The following GPC5 variants were observed in gnomAD, a reference collection of about 807,000 sequenced individuals.
GPC5 encodes the protein glypican 5.
A neutral mutation model predicts 53.9 loss-of-function variants in GPC5; 47 were observed. The ratio of observed to expected loss-of-function variants is 0.87; its 90% CI spans 0.69 to 1.11. GPC5 has a LOEUF of 1.11. Ranked by LOEUF, GPC5 falls within the 50% of genes most tolerant of loss-of-function variation. The probability of loss-of-function intolerance (pLI) is 0.00; values close to 1 mark genes in which losing one functional copy is unlikely to be tolerated. For synonymous variants in GPC5, 286 were observed against 263.3 expected (o/e 1.09, Z -0.84); for missense variants, 748 against 713.1 (o/e 1.05, Z -0.56).
intron 6 of GPC5, among the ~76,000 whole-genome samples, chr13:92,070,647 A>G (rs1239502722): frequency 6.6e-6 from 1 of 152,228 alleles, no homozygotes; most frequent in Non-Finnish European, 1.5e-5. Flanking sequence ...TGTTGAATAC[A>G]TATAGAACAC....
chr13:92,744,827 G>A (rs1889201812), intron 7 of GPC5, among the ~76,000 whole-genome samples: 1 of 151,892 alleles, frequency 6.6e-6, no homozygotes, highest in South Asian at 2.1e-4. Flanking sequence ...AGTTTATATA[G>A]ATATATAGCT....
chr13:91,532,400 T>A (rs1329783213), intron 2 of GPC5, among the ~76,000 whole-genome samples: 1 of 152,218 alleles, frequency 6.6e-6, no homozygotes, highest in Non-Finnish European at 1.5e-5. Flanking sequence ...TGTACAATTA[T>A]GGCTTTTTGT....
chr13:92,764,688 T>A (rs1875323105), intron 7 of GPC5, among the ~76,000 whole-genome samples: 1 of 152,178 alleles, frequency 6.6e-6, no homozygotes, highest in Non-Finnish European at 1.5e-5. Context: ...TTCAGTGCAC[T>A]ATAAAACTAT....
intron 6 of GPC5, among the ~76,000 whole-genome samples, chr13:92,003,152 A>T (rs1157182481): frequency 6.6e-6 from 1 of 151,986 alleles, no homozygotes; most frequent in African/African-American, 2.4e-5. Flanking sequence ...CTCTACTAAA[A>T]ATACAAAAAT....
chr13:91,589,954 GT>G (rs1471659687), intron 2 of GPC5, among the ~76,000 whole-genome samples: 1 of 151,966 alleles, frequency 6.6e-6, no homozygotes, highest in Non-Finnish European at 1.5e-5. Flanking sequence ...TAACCTTGGA[GT>G]TTGATAATTC....
At chr13:92,209,779 C>T (rs2042362011) in intron 7 of GPC5, among the ~76,000 whole-genome samples, 1 of 151,948 alleles carries the variant, frequency 6.6e-6, no homozygotes, top group Non-Finnish European at 1.5e-5. Context: ...TCTAGAGGGA[C>T]AGAACTAATA....
chr13:91,693,879 C>A lies in GPC5; in HGVS notation c.1018C>A (p.Gln340Lys), dbSNP rs1441295452. Residue 340 changes from glutamine to lysine, a missense_variant and splice_region_variant, in exon 3 of 8, where the codon CAG becomes AAG. Physicochemically the swap from Gln to Lys is moderately conservative, Grantham distance 53. Coordinates refer to ENST00000377067, the MANE Select transcript of GPC5 (RefSeq NM_004466.6). ...CCTCAATGGACAAAAATTATTGGAA[C>A]AGGTAAGTAGGAGCTCCACATTTTC... ...AHLNGQKLLEQVNRICGRPVR... is the reference protein window; with the variant it reads ...AHLNGQKLLEKVNRICGRPVR... 4.4e-6 allele frequency: 7 copies of A among 1,586,068 alleles called. No individual in the cohort carries two copies. The highest frequency in any genetic ancestry group is 1.1e-5 in the South Asian group (1 of 89,554).
intron 7 of GPC5, among the ~76,000 whole-genome samples, chr13:92,560,976 AC>A (rs1234330386): frequency 1.3e-5 from 2 of 151,780 alleles, no homozygotes; most frequent in Admixed American, 6.6e-5. Flanking sequence ...GTACCAAAGT[AC>A]AATTCCAAAT....
chr13:91,416,902 C>A (rs1029843190), intron 1 of GPC5, among the ~76,000 whole-genome samples: 1 of 152,182 alleles, frequency 6.6e-6, no homozygotes, highest in Non-Finnish European at 1.5e-5. Flanking sequence ...AATAGTGCTG[C>A]AATCATTGAG....
rs543187965 is a variant in GPC5, at chr13:92,867,117, T to C, written c.*678T>C. 1 of 152,218 alleles carries C rather than the reference T, an allele frequency of 6.6e-6. No individual in the cohort carries two copies. The highest frequency in any genetic ancestry group is 1.5e-5 in the Non-Finnish European group (1 of 67,994). The allele number at this position is 152,218 out of a possible 1,614,324, so 9.4% of individuals were successfully genotyped here. ...TGTATTCCATTATATTCAAAATGCATCTTTGGTATTGTGCCTCTGCTCCCA... is the reference window on the plus strand; with the variant it reads ...TGTATTCCATTATATTCAAAATGCACCTTTGGTATTGTGCCTCTGCTCCCA... On this transcript the variant is annotated 3_prime_UTR_variant, in exon 8 of 8. Transcript: ENST00000377067.
At chr13:91,410,752 T>A (rs2138940323) in intron 1 of GPC5, among the ~76,000 whole-genome samples, 1 of 152,334 alleles carries the variant, frequency 6.6e-6, no homozygotes, top group East Asian at 1.9e-4. Flanking sequence ...GTTTTCATTA[T>A]TTAATATACT....
intron 7 of GPC5, among the ~76,000 whole-genome samples, chr13:92,824,003 C>T (rs976577904): frequency 6.6e-6 from 1 of 151,986 alleles, no homozygotes; most frequent in African/African-American, 2.4e-5. Flanking sequence ...TTAGTCATCC[C>T]ATCCTACCTA....
intron 7 of GPC5, among the ~76,000 whole-genome samples, chr13:92,707,393 C>T (rs918186333): frequency 1.3e-5 from 2 of 152,048 alleles, no homozygotes; most frequent in African/African-American, 4.8e-5. Flanking sequence ...TGCAGACTCA[C>T]CTTTTGAGCC....
intron 6 of GPC5, among the ~76,000 whole-genome samples, chr13:91,941,302 T>C (rs756044581): frequency 7.2e-5 from 11 of 152,160 alleles, no homozygotes; most frequent in Non-Finnish European, 1.2e-4. Context: ...GGCTTTGTTC[T>C]TTTTGCTTAG....
At chr13:92,297,553 A>C (rs1183268237) in intron 7 of GPC5, among the ~76,000 whole-genome samples, 1 of 152,062 alleles carries the variant, frequency 6.6e-6, no homozygotes, top group Admixed American at 6.5e-5. Context: ...GCACCAATCG[A>C]CACTCTGTAT....
In GPC5 at chr13:92,527,237, GAA is replaced by G. The variant is rs1433201093; in HGVS notation, c.1562-339043_1562-339042del. Among the ~76,000 whole-genome samples, 268 of 36,996 alleles carry G rather than the reference GAA, an allele frequency of 7.2e-3. 8 individuals are homozygous for G. Among genetic ancestry groups the G allele is most frequent in the African/African-American group, 0.028 (206 of 7,316 alleles). 24.3% of individuals were successfully genotyped at this position (36,996 alleles called of 152,430 possible). A position where few individuals can be genotyped will look rare whatever the true frequency, so the allele number is the denominator to read the frequency against. On this transcript the variant is annotated intron_variant, in intron 7 of 7. Coordinates refer to ENST00000377067, the MANE Select transcript of GPC5 (RefSeq NM_004466.6). ...AGAAAGAAAGAAAGAAAGAAAGAAA[GAA>G]AGAAAGAAAGAGAAAGAAAGAAAGA...
chr13:92,076,273 G>A (rs2041251713), intron 6 of GPC5, among the ~76,000 whole-genome samples: 1 of 151,934 alleles, frequency 6.6e-6, no homozygotes, highest in African/African-American at 2.4e-5. Flanking sequence ...GTAGAGACGG[G>A]GTTTCACCGT....
chr13:92,841,783 T>C lies in GPC5; in HGVS notation c.1562-24499T>C, dbSNP rs185053665. ...TTATATAATCTGTAAGTGCCTCCTT[T>C]CTCTACTTTTTCCTTATGATTTATT... On this transcript the variant is annotated intron_variant, in intron 7 of 7. Transcript: ENST00000377067. 2.0e-5 allele frequency among the ~76,000 whole-genome samples: 3 copies of C among 152,252 alleles called. No individual in the cohort carries two copies. The East Asian group carries it at 5.8e-4, about 29-fold the overall frequency.
intron 6 of GPC5, among the ~76,000 whole-genome samples, chr13:91,989,369 G>A (rs867415266): frequency 2.0e-5 from 3 of 152,128 alleles, no homozygotes; most frequent in Admixed American, 1.3e-4. Context: ...GGCCTTTGAC[G>A]TATACTGCAA....
Sources: gnomAD v4.1 joint callset for allele counts (sites outside exome capture counted in the v4.1 genomes callset) on GRCh38, gnomAD v4.1.1 for gene constraint, MANE v1.5 for transcripts, NCBI Gene and HGNC (gene_info 2026-07-23, HGNC 2026-07-21) for gene names.